THRB: variants seen among roughly 807,000 people sequenced by gnomAD.
THRB encodes the protein thyroid hormone receptor beta.
Under a neutral mutation model 47.8 loss-of-function variants are expected in THRB, and 12 were observed. The ratio of observed to expected loss-of-function variants is 0.25; its 90% confidence interval spans 0.16 to 0.41. The LOEUF is 0.41. Ranked by LOEUF, THRB falls within the 10% of genes least tolerant of loss-of-function variation. The pLI, the probability that THRB is intolerant of heterozygous loss-of-function variation, is 1.00. For synonymous variants in THRB, 218 were observed against 212.2 expected (o/e 1.03, Z -0.24); for missense variants, 348 against 589.2 (o/e 0.59, Z 4.24).
chr3:24,206,288 C>T (rs1362458547), intron 4 of THRB, among the ~76,000 whole-genome samples: 2 of 152,216 alleles, frequency 1.3e-5, no homozygotes, highest in Admixed American at 1.3e-4. Flanking sequence ...GAACAGAAAT[C>T]ACAACAAACT....
At chr3:24,269,402 C>T (rs1341320201) in intron 3 of THRB, among the ~76,000 whole-genome samples, 5 of 51,388 alleles carry the variant, frequency 9.7e-5, no homozygotes, top group Non-Finnish European at 1.8e-4. Context: ...CGCGCGCGCG[C>T]GCACACACAC....
Position 24,494,762 on chromosome 3 carries a change from G to A in THRB, c.-371C>T, listed in dbSNP as rs1698788645. 6.6e-6 allele frequency: 1 copy of A among 152,094 alleles called. No homozygotes were observed. The highest frequency in any genetic ancestry group is 2.1e-4 in the South Asian group (1 of 4,820). The allele number at this position is 152,094 out of a possible 1,614,324, so 9.4% of individuals were successfully genotyped here. ...CTGCGGGCTCTTGCCCCGAGCCCGC[G>A]GAGCAGGAGGTCTCTTTTCCAAGCG... is the stretch of plus-strand genomic sequence containing the variant. On this transcript the variant is annotated 5_prime_UTR_variant, in exon 1 of 11. Transcript: ENST00000646209.
intron 4 of THRB, among the ~76,000 whole-genome samples, chr3:24,192,350 T>C (rs2043450212): frequency 6.6e-6 from 1 of 151,894 alleles, no homozygotes; most frequent in Non-Finnish European, 1.5e-5. Flanking sequence ...TCTACAGACA[T>C]GAAAATTCTT....
intron 1 of THRB, among the ~76,000 whole-genome samples, chr3:24,420,917 T>C (rs895812421): frequency 3.3e-5 from 5 of 151,954 alleles, no homozygotes; most frequent in African/African-American, 9.7e-5. Context: ...ATTGCAGCAC[T>C]ATTCACAATA....
intron 1 of THRB, among the ~76,000 whole-genome samples, chr3:24,354,532 G>C (rs1242207040): frequency 6.6e-6 from 1 of 152,106 alleles, no homozygotes; most frequent in Non-Finnish European, 1.5e-5. Flanking sequence ...CAACATCTTA[G>C]AGTGTCTGCC....
In THRB at chr3:24,392,541, A is replaced by C. The variant is rs549748723; in HGVS notation, c.-260-55170T>G. On this transcript the variant is annotated intron_variant, in intron 1 of 10. Transcript: ENST00000646209. ...AAGTAAAACTATGGACTTCACCTAAAAAATTTAAAGTTATATTCAACTGTA... is the reference window on the plus strand; with the variant it reads ...AAGTAAAACTATGGACTTCACCTAACAAATTTAAAGTTATATTCAACTGTA... Among the ~76,000 whole-genome samples the C allele has an allele frequency of 3.9e-5, 6 of 152,240 alleles. No homozygotes were observed. The East Asian group carries it at 1.2e-3, about 29-fold the overall frequency.
chr3:24,328,053 C>T (rs2061699519), intron 2 of THRB, among the ~76,000 whole-genome samples: 1 of 152,066 alleles, frequency 6.6e-6, no homozygotes, highest in South Asian at 2.1e-4. Context: ...AAATGTCCAA[C>T]CTTACAAATA....
chr3:24,412,051 A>G (rs2068351502), intron 1 of THRB, among the ~76,000 whole-genome samples: 2 of 151,858 alleles, frequency 1.3e-5, no homozygotes, highest in Admixed American at 6.6e-5. Context: ...AGGGAAAGAT[A>G]TAAACATGAC....
chr3:24,302,947 C>T (rs748367681), intron 2 of THRB, among the ~76,000 whole-genome samples: 15 of 152,148 alleles, frequency 9.9e-5, no homozygotes, highest in African/African-American at 2.2e-4. Context: ...ATTTTTTAGT[C>T]CAACAGCCTT....
rs2055501590 is a variant in THRB, at chr3:24,287,964, TG to T, written c.-43+9261del. Among the ~76,000 whole-genome samples the T allele has an allele frequency of 2.6e-5, 4 of 152,232 alleles. No homozygotes were observed. The South Asian group carries it at 8.3e-4, about 31-fold the overall frequency. ...CACAGAATTTACTGTGCACTTGTCTTGGATTTTCTCCACATTATAGCTTCAC... is the reference window on the plus strand; with the variant it reads ...CACAGAATTTACTGTGCACTTGTCTTGATTTTCTCCACATTATAGCTTCAC... On this transcript the variant is annotated intron_variant, in intron 3 of 10. Coordinates refer to ENST00000646209, the MANE Select transcript of THRB (RefSeq NM_001354712.2).
chr3:24,304,036 T>C (rs1230926138), intron 2 of THRB, among the ~76,000 whole-genome samples: 2 of 116,160 alleles, frequency 1.7e-5, no homozygotes, highest in East Asian at 3.2e-4. Flanking sequence ...ATATGTGAAA[T>C]TAGCTCATAT....
intron 1 of THRB, among the ~76,000 whole-genome samples, chr3:24,369,863 C>A (rs972781586): frequency 2.0e-5 from 3 of 152,130 alleles, no homozygotes; most frequent in Non-Finnish European, 4.4e-5. Flanking sequence ...GTTAAAGACA[C>A]AACCTGTACC....
At chr3:24,182,485 G>A (rs946773598) in intron 5 of THRB, among the ~76,000 whole-genome samples, 5 of 152,082 alleles carry the variant, frequency 3.3e-5, no homozygotes, top group African/African-American at 9.7e-5. Context: ...TTCTGCCTGC[G>A]TCCGTAATAT....
chr3:24,431,261 T>TACACACACAC (rs199810848), intron 1 of THRB, among the ~76,000 whole-genome samples: 17 of 135,794 alleles, frequency 1.3e-4, no homozygotes, highest in African/African-American at 3.8e-4. Flanking sequence ...TCTCTCTCTC[T>TACACACACAC]ACACACACAC....
intron 3 of THRB, among the ~76,000 whole-genome samples, chr3:24,274,244 A>G (rs2053662992): frequency 6.6e-6 from 1 of 152,192 alleles, no homozygotes; most frequent in South Asian, 2.1e-4. Flanking sequence ...ATCACTTGCC[A>G]TGAATAGCAT....
At chr3:24,219,925 G>A (rs954060875) in intron 4 of THRB, among the ~76,000 whole-genome samples, 1 of 152,164 alleles carries the variant, frequency 6.6e-6, no homozygotes, top group Non-Finnish European at 1.5e-5. Flanking sequence ...ATGCGTAGCG[G>A]AATCACTTGA....
rs1411199847 is a variant in THRB at position 24,193,759 on chromosome 3, CCTA to C, written c.23-3428_23-3426del. Among the ~76,000 whole-genome samples the C allele has an allele frequency of 3.9e-5, 6 of 152,308 alleles. No homozygotes were observed. In the South Asian group the frequency reaches 8.3e-4, roughly 21 times the overall value. On this transcript the variant is annotated intron_variant, in intron 4 of 10. Coordinates refer to ENST00000646209, the MANE Select transcript of THRB (RefSeq NM_001354712.2). ...TGGGTCTACCGTTTGATCCACCAAT[CCTA>C]CTACTAGGTATCTACCCAGAGGAAA...
intron 3 of THRB, among the ~76,000 whole-genome samples, chr3:24,258,347 T>A (rs992621539): frequency 6.6e-6 from 1 of 151,874 alleles, no homozygotes; most frequent in Non-Finnish European, 1.5e-5. Flanking sequence ...AAAACCAAAA[T>A]AAACTTAGGA....
At chr3:24,348,280 C>A (rs767062531) in intron 1 of THRB, among the ~76,000 whole-genome samples, 2 of 152,232 alleles carry the variant, frequency 1.3e-5, no homozygotes, top group Non-Finnish European at 2.9e-5. Context: ...ACTCAGCAAA[C>A]TAGGTGTATG....
Sources: gnomAD v4.1 joint callset for allele counts (sites outside exome capture counted in the v4.1 genomes callset) on GRCh38, gnomAD v4.1.1 for gene constraint, MANE v1.5 for transcripts, NCBI Gene and HGNC (gene_info 2026-07-23, HGNC 2026-07-21) for gene names.